The following PYROXD2 variants were observed in gnomAD, a reference collection of about 807,000 sequenced individuals.
PYROXD2 encodes the protein pyridine nucleotide-disulphide oxidoreductase domain 2.
PYROXD2 carries 69 observed loss-of-function variants against 71.1 expected under a neutral mutation model. The observed-to-expected ratio is 0.97, with a 90% confidence interval of 0.80 to 1.19. The LOEUF (loss-of-function observed/expected upper bound fraction) is 1.19. Ranked by LOEUF, PYROXD2 falls within the 50% of genes most tolerant of loss-of-function variation. The pLI, the probability that PYROXD2 is intolerant of heterozygous loss-of-function variation, is 0.00. For missense variants in PYROXD2, 745 were observed against 748.9 expected (o/e 0.99, Z 0.06); for synonymous variants, 287 against 302.7 (o/e 0.95, Z 0.54).
At chr10:98,384,548 T>C (rs1400872816) in intron 15 of PYROXD2, among the ~76,000 whole-genome samples, 6 of 152,124 alleles carry the variant, frequency 3.9e-5, no homozygotes, top group Non-Finnish European at 7.4e-5. Flanking sequence ...GCCCAGGAGG[T>C]TGAGGCTGCA....
intron 1 of PYROXD2, chr10:98,414,672 T>C (rs1843923769): frequency 4.7e-6 from 1 of 211,000 alleles, no homozygotes; most frequent in Non-Finnish European, 9.4e-6. Context: ...AACCATAGGC[T>C]GAGAATGTGG....
chr10:98,407,661 A>G lies in PYROXD2; in HGVS notation c.242-6T>C. On this transcript the variant is annotated splice_region_variant and splice_polypyrimidine_tract_variant and intron_variant, in intron 3 of 15. Coordinates refer to ENST00000370575, the MANE Select transcript of PYROXD2 (RefSeq NM_032709.3). Reference sequence around the variant, plus strand: ...CGCGCGGGAGAACTTAAACCCTGAAACCGAATCCGATGAAGACTGTCACCA... The same window carrying G: ...CGCGCGGGAGAACTTAAACCCTGAAGCCGAATCCGATGAAGACTGTCACCA... 1 of 1,613,846 alleles carries G rather than the reference A, an allele frequency of 6.2e-7. No homozygotes were observed.
At chr10:98,392,687 T>C in intron 9 of PYROXD2, 121 bp from the exon 10 acceptor site, 3 of 1,476,336 alleles carry the variant, frequency 2.0e-6, no homozygotes, top group Non-Finnish European at 1.8e-6. Flanking sequence ...CCCAAACCCA[T>C]CCCACCAAGT....
chr10:98,392,942 C>A lies in PYROXD2; in HGVS notation c.927G>T (p.Lys309Asn). The change falls in exon 9 of 16, where the codon AAG (lysine) becomes AAT (asparagine). Residue 309 changes from lysine to asparagine, a missense_variant and splice_region_variant. Coordinates refer to ENST00000370575, the MANE Select transcript of PYROXD2 (RefSeq NM_032709.3). ...GGGGTGGGGTAGAGGGGCCGTTCACCTTTTCAGTGAAGATGCTTGCTCCAT... is the reference window on the plus strand; with the variant it reads ...GGGGTGGGGTAGAGGGGCCGTTCACATTTTCAGTGAAGATGCTTGCTCCAT... ...TTHGASIFTE[K>N]TVAKVQVNSE... is the part of the protein sequence containing the mutation. 1 of 1,613,462 alleles carries A rather than the reference C, an allele frequency of 6.2e-7. No individual in the cohort carries two copies. Among genetic ancestry groups the A allele is most frequent in the Non-Finnish European group, 8.5e-7 (1 of 1,179,686 alleles).
At chr10:98,408,866 C>CTT in intron 2 of PYROXD2, among the ~76,000 whole-genome samples, 2 of 152,160 alleles carry the variant, frequency 1.3e-5, no homozygotes, top group African/African-American at 2.4e-5. Flanking sequence ...ATTTTTCCCA[C>CTT]CAGCCAAGAG....
At chr10:98,395,086 GGTGAGCTCT>G (rs1843114029) in intron 8 of PYROXD2, 101 bp downstream of exon 8, 2 of 914,898 alleles carry the variant, frequency 2.2e-6, no homozygotes, top group Admixed American at 3.6e-5. Flanking sequence ...TGGCTCACTG[GGTGAGCTCT>G]GTTAAGTGGC....
intron 4 of PYROXD2, among the ~76,000 whole-genome samples, chr10:98,402,702 A>C (rs1024513796): frequency 6.6e-6 from 1 of 152,170 alleles, no homozygotes; most frequent in African/African-American, 2.4e-5. Context: ...CTGGAATGCC[A>C]CCTTATCAGC....
chr10:98,393,477 C>T (rs528525456), intron 8 of PYROXD2, among the ~76,000 whole-genome samples: 4 of 152,222 alleles, frequency 2.6e-5, no homozygotes, highest in East Asian at 1.9e-4. Context: ...TCCCAGTGAA[C>T]GGCACCTTTC....
Position 98,415,148 on chromosome 10 carries a change from C to T in PYROXD2, c.-13G>A, listed in dbSNP as rs369929690. 6.2e-7 allele frequency: 1 copy of T among 1,610,650 alleles called. No homozygotes were observed. The highest frequency in any genetic ancestry group is 1.3e-5 in the African/African-American group (1 of 74,944). On this transcript the variant is annotated 5_prime_UTR_variant, in exon 1 of 16. Coordinates refer to ENST00000370575, the MANE Select transcript of PYROXD2 (RefSeq NM_032709.3). ...CACTTGCAGCCATTTCTGCCCCAGGCTGGGCCTTGCTAGGCAGGGAGTTTG... is the reference window on the plus strand; with the variant it reads ...CACTTGCAGCCATTTCTGCCCCAGGTTGGGCCTTGCTAGGCAGGGAGTTTG...
intron 5 of PYROXD2, among the ~76,000 whole-genome samples, chr10:98,398,029 C>T (rs1843257178): frequency 6.6e-6 from 1 of 151,872 alleles, no homozygotes; most frequent in Non-Finnish European, 1.5e-5. Flanking sequence ...ATTATAGGCA[C>T]CTGCCACCAC....
rs745731022 is a variant in PYROXD2 at position 98,393,053 on chromosome 10, GCCC to G, written c.813_815del (p.Gly272del). ...CCCAGGCCCCCTGCATTCCCTCCAG[GCCC>G]CCCATCACATGGTGCAGCAGCACAT... On this transcript the variant is annotated inframe_deletion, in exon 9 of 16. Transcript: ENST00000370575. 6 of 1,591,374 alleles carry G rather than the reference GCCC, an allele frequency of 3.8e-6. No individual in the cohort carries two copies. The highest frequency in any genetic ancestry group is 5.1e-6 in the Non-Finnish European group (6 of 1,172,202).
At chr10:98,410,788 T>A in intron 2 of PYROXD2, 151 bp downstream of exon 2, 1 of 1,164,706 alleles carries the variant, frequency 8.6e-7, no homozygotes, top group Non-Finnish European at 1.2e-6. Context: ...CAGCCCCCAG[T>A]CAGCACTGGA....
intron 1 of PYROXD2, chr10:98,411,969 C>T (rs541071599): frequency 3.3e-5 from 5 of 152,208 alleles, no homozygotes; most frequent in Non-Finnish European, 7.3e-5. Flanking sequence ...ATCTGTCTCT[C>T]AAAGACATGC....
intron 4 of PYROXD2, among the ~76,000 whole-genome samples, chr10:98,401,973 C>A (rs1843428591): frequency 6.6e-6 from 1 of 152,230 alleles, no homozygotes; most frequent in African/African-American, 2.4e-5. Context: ...TAGCCAGTGA[C>A]AAAGTCATTT....
intron 1 of PYROXD2, among the ~76,000 whole-genome samples, chr10:98,414,453 G>A (rs890288379): frequency 1.3e-5 from 2 of 152,164 alleles, no homozygotes; most frequent in East Asian, 1.9e-4. Flanking sequence ...GCAAGGCAAT[G>A]GGGTCCATCT....
In PYROXD2 at chr10:98,392,438, C is replaced by T. The variant is rs758729808; in HGVS notation, c.1056G>A (p.Thr352=). The change falls in exon 10 of 16, where the codon ACG becomes ACA. Residue 352 remains threonine, a synonymous_variant. Coordinates refer to ENST00000370575, the MANE Select transcript of PYROXD2 (RefSeq NM_032709.3). The stretch of plus-strand genomic sequence containing the variant: ...CTCCTGCCCACAGCCTCACCTGTGG[C>T]GTCAGCTTCAGGAAGGTGATCTGCG... ...TSPQITFLKL[T]PQEWLPEEFL... is the part of the protein sequence containing the mutation. The T allele has an allele frequency of 1.3e-5, 21 of 1,613,300 alleles. No individual in the cohort carries two copies. Among genetic ancestry groups the T allele is most frequent in the African/African-American group, 6.7e-5 (5 of 74,902 alleles).
chr10:98,410,771 T>G, intron 2 of PYROXD2, 168 bp downstream of exon 2: 1 of 982,132 alleles, frequency 1.0e-6, no homozygotes, highest in South Asian at 1.7e-5. Flanking sequence ...CAGATGAGCA[T>G]TCGACCCAGC....
In PYROXD2 at chr10:98,400,149, C is replaced by T. The variant is rs1843343372; in HGVS notation, c.424G>A (p.Ala142Thr). Residue 142 changes from alanine to threonine, a missense_variant, in exon 5 of 16, where the codon GCA (alanine) becomes ACA (threonine). By Grantham distance (58) the Ala-to-Thr change is moderately conservative. Transcript: ENST00000370575. ...PRCLLLGTDM[A>T]ENQKQIAQFS... is the part of the protein sequence containing the mutation. ...TGGGCGATCTGCTTCTGGTTTTCTG[C>T]CATGTCTGTGCCCAGCAGAAGGCAC... is the stretch of plus-strand genomic sequence containing the variant. 2 of 1,613,814 alleles carry T rather than the reference C, an allele frequency of 1.2e-6. No homozygotes were observed. Among genetic ancestry groups the T allele is most frequent in the Admixed American group, 1.7e-5 (1 of 59,962 alleles).
At position 98,395,227 on chromosome 10, in the gene PYROXD2, C is replaced by T; in HGVS notation, c.754G>A (p.Ala252Thr). The T allele has an allele frequency of 6.2e-7, 1 of 1,614,176 alleles. No individual in the cohort carries two copies. The highest frequency in any genetic ancestry group is 8.5e-7 in the Non-Finnish European group (1 of 1,180,024). Residue 252 changes from alanine to threonine, a missense_variant, in exon 8 of 16, where the codon GCC becomes ACC. Physicochemically the swap from Ala to Thr is moderately conservative, Grantham distance 58. Transcript: ENST00000370575. ...CCCGGAGTGTGGGGACTTGTCATGG[C>T]TCCAATCACTGCATCTGTGGCTAGA... ...ATLATDAVIG[A>T]MTSPHTPGSG...
Sources: gnomAD v4.1 joint callset for allele counts (sites outside exome capture counted in the v4.1 genomes callset) on GRCh38, gnomAD v4.1.1 for gene constraint, MANE v1.5 for transcripts, NCBI Gene and HGNC (gene_info 2026-07-23, HGNC 2026-07-21) for gene names.